CDKL3: variants seen among roughly 807,000 people sequenced by gnomAD.
CDKL3 encodes the protein cyclin dependent kinase like 3, also known as cyclin-dependent kinase-like 3.
CDKL3 carries 65 observed loss-of-function variants against 69.3 expected under a neutral mutation model. The ratio of observed to expected loss-of-function variants is 0.94; its 90% CI spans 0.77 to 1.15. The LOEUF is 1.15. CDKL3 is among the 50% of genes most tolerant of loss of function. The pLI is 0.00. For synonymous variants in CDKL3, 202 were observed against 221.6 expected (o/e 0.91, Z 0.79); for missense variants, 652 against 689.2 (o/e 0.95, Z 0.61).
At chr5:134,284,312 C>A (rs1344881782), downstream of CDKL3, among the ~76,000 whole-genome samples, 2 of 152,134 alleles carry the variant, frequency 1.3e-5, no homozygotes, top group African/African-American at 4.8e-5. Flanking sequence ...TCCGTGATGC[C>A]CCCTGAGCTG....
At chr5:134,294,469 C>T (rs1302974425), downstream of CDKL3, among the ~76,000 whole-genome samples, 1 of 152,164 alleles carries the variant, frequency 6.6e-6, no homozygotes, top group East Asian at 1.9e-4. Flanking sequence ...GTCATGACTT[C>T]TGCTCAAAAT....
chr5:134,368,617 T>C (rs1757968802), upstream of CDKL3, among the ~76,000 whole-genome samples: 1 of 27,802 alleles, frequency 3.6e-5, no homozygotes, highest in African/African-American at 1.2e-4. Flanking sequence ...AGACTCCATC[T>C]CAAAAAAAAA....
Position 134,308,285 on chromosome 5 carries a change from G to A in CDKL3, c.1217C>T (p.Pro406Leu). 1 of 1,613,900 alleles carries A rather than the reference G, an allele frequency of 6.2e-7. No individual in the cohort carries two copies. Among genetic ancestry groups the A allele is most frequent in the East Asian group, 2.2e-5 (1 of 44,870 alleles). The change falls in exon 9 of 13, where the codon CCA becomes CTA. Residue 406 changes from proline (P) to leucine (L), a missense_variant. Physicochemically the swap from Pro to Leu is moderately conservative, Grantham distance 98 (BLOSUM62 -3). Coordinates refer to ENST00000265334, the MANE Select transcript of CDKL3 (RefSeq NM_001113575.2). ...PDTKLVTIEPPNPINPSTNCN... is the reference protein window; with the variant it reads ...PDTKLVTIEPLNPINPSTNCN... ...GTTAGTGCTGGGATTGATAGGGTTT[G>A]GTGGTTCAATGGTTACAAGTTTTGT...
At chr5:134,368,618 CAAAAA>C (rs11339001), upstream of CDKL3, among the ~76,000 whole-genome samples, 1 of 69,810 alleles carries the variant, frequency 1.4e-5, no homozygotes, top group African/African-American at 6.3e-5. Context: ...GACTCCATCT[CAAAAA>C]AAAAAAAAAA....
chr5:134,339,346 A>C (rs567297247), intron 4 of CDKL3, among the ~76,000 whole-genome samples: 11 of 152,318 alleles, frequency 7.2e-5, no homozygotes, highest in African/African-American at 2.6e-4. Flanking sequence ...GGTTGTGAAA[A>C]AGATATATCA....
chr5:134,294,157 T>C (rs889053167), downstream of CDKL3, among the ~76,000 whole-genome samples: 7 of 152,070 alleles, frequency 4.6e-5, no homozygotes, highest in African/African-American at 1.7e-4. Flanking sequence ...CAATAATACA[T>C]AAAAAGAATC....
chr5:134,346,386 C>T lies in CDKL3; in HGVS notation c.539+3863G>A, dbSNP rs1751872379. ...GTCTTTGGGTTTTCATTTATGAAGG[C>T]TTCCATGTCACATTGAACTTTGTTA... On this transcript the variant is annotated intron_variant, in intron 4 of 12. Transcript: ENST00000265334. Among the ~76,000 whole-genome samples, 3 of 152,226 alleles carry T rather than the reference C, an allele frequency of 2.0e-5. No individual in the cohort carries two copies. In the South Asian group the frequency reaches 6.2e-4, roughly 31 times the overall value.
Position 134,302,582 on chromosome 5 carries a change from A to C in CDKL3, c.1719+8T>G, listed in dbSNP as rs1766615244. On this transcript the variant is annotated splice_region_variant and intron_variant, in intron 12 of 12. Coordinates refer to ENST00000265334, the MANE Select transcript of CDKL3 (RefSeq NM_001113575.2). ...GCCTTAGTAAAAGCTATATACAAAA[A>C]GAGTTACCTCTTGTTTTTCTTGATT... 1.4e-6 allele frequency: 2 copies of C among 1,463,088 alleles called. No homozygotes were observed. Among genetic ancestry groups the C allele is most frequent in the East Asian group, 4.6e-5 (2 of 43,788 alleles). 90.6% of individuals were successfully genotyped at this position (1,463,088 alleles called of 1,614,324 possible).
intron 3 of CDKL3, among the ~76,000 whole-genome samples, chr5:134,351,896 TGTG>T (rs1397624510): frequency 6.6e-6 from 1 of 152,224 alleles, no homozygotes; most frequent in Non-Finnish European, 1.5e-5. Context: ...ATACTTATTT[TGTG>T]GTGAGAACAC....
chr5:134,368,085 G>A (rs1399677234), upstream of CDKL3, among the ~76,000 whole-genome samples: 1 of 152,154 alleles, frequency 6.6e-6, no homozygotes, highest in Non-Finnish European at 1.5e-5. Flanking sequence ...AGTCTGGTGG[G>A]TCCCACCCAG....
chr5:134,328,501 G>A (rs563264556), intron 4 of CDKL3, among the ~76,000 whole-genome samples: 1 of 152,110 alleles, frequency 6.6e-6, no homozygotes, highest in East Asian at 1.9e-4. Context: ...CTGAAGGATA[G>A]AAGGTAAAAG....
chr5:134,356,008 G>A (rs1355298558), intron 3 of CDKL3, among the ~76,000 whole-genome samples: 1 of 152,150 alleles, frequency 6.6e-6, no homozygotes, highest in African/African-American at 2.4e-5. Flanking sequence ...TGCTTCAAGT[G>A]CATTACATTT....
intron 9 of CDKL3, 88 bp downstream of exon 9, chr5:134,308,050 T>C: frequency 2.0e-6 from 3 of 1,463,432 alleles, no homozygotes; most frequent in Non-Finnish European, 2.7e-6. Flanking sequence ...AAGTTCAGTT[T>C]ACATACAGAC....
intron 4 of CDKL3, among the ~76,000 whole-genome samples, chr5:134,344,699 G>A (rs1179130074): frequency 1.3e-5 from 2 of 152,118 alleles, no homozygotes; most frequent in African/African-American, 4.8e-5. Context: ...TGAGGCGGGA[G>A]GATCACTTAA....
At chr5:134,365,582 A>G (rs1394735557) in intron 2 of CDKL3, among the ~76,000 whole-genome samples, 1 of 152,194 alleles carries the variant, frequency 6.6e-6, no homozygotes, top group Admixed American at 6.5e-5. Flanking sequence ...TATTCTGCAC[A>G]ATAGTGGTAG....
intron 4 of CDKL3, among the ~76,000 whole-genome samples, chr5:134,334,047 A>G (rs938282493): frequency 4.6e-5 from 7 of 152,178 alleles, no homozygotes; most frequent in African/African-American, 1.2e-4. Context: ...GGGAGAGTGT[A>G]TATGTCCAGG....
At chr5:134,345,061 T>C (rs1581139678) in intron 4 of CDKL3, among the ~76,000 whole-genome samples, 1 of 151,812 alleles carries the variant, frequency 6.6e-6, no homozygotes, top group East Asian at 1.9e-4. Context: ...AGAGACTCTG[T>C]CTCAAAAAAA....
At chr5:134,295,869 C>T (rs1765323111), downstream of CDKL3, among the ~76,000 whole-genome samples, 1 of 152,036 alleles carries the variant, frequency 6.6e-6, no homozygotes. Context: ...TGAGATGGAA[C>T]TAGGAAACTA....
chr5:134,334,355 A>G (rs1581064654), intron 4 of CDKL3, among the ~76,000 whole-genome samples: 1 of 151,724 alleles, frequency 6.6e-6, no homozygotes, highest in East Asian at 1.9e-4. Context: ...CTAGCTTTTG[A>G]ATTTGAATTT....
Sources: gnomAD v4.1 joint callset for allele counts (sites outside exome capture counted in the v4.1 genomes callset) on GRCh38, gnomAD v4.1.1 for gene constraint, MANE v1.5 for transcripts, NCBI Gene and HGNC (gene_info 2026-07-23, HGNC 2026-07-21) for gene names.